Variants in CFHR1 observed in about 807,000 individuals in gnomAD.
CFHR1 encodes complement factor H-related protein 1.
In CFHR1, 22 loss-of-function variants were observed where a neutral mutation model predicts 30.4. The ratio of observed to expected loss-of-function variants is 0.72; its 90% CI spans 0.52 to 1.03. The LOEUF (loss-of-function observed/expected upper bound fraction) is 1.03. Ranked by LOEUF, CFHR1 falls within the 50% of genes least tolerant of loss-of-function variation. CFHR1 has a pLI of 0.00. For synonymous variants in CFHR1, 95 were observed against 129.1 expected (o/e 0.74, Z 1.79); for missense variants, 248 against 380.6 (o/e 0.65, Z 2.90).
chr1:196,821,035 C>G (rs1655101154), intron 1 of CFHR1: 1 of 139,036 alleles, frequency 7.2e-6, no homozygotes, highest in Non-Finnish European at 1.5e-5. Context: ...GATGGGGTTT[C>G]TCCATGTTGG....
intron 5 of CFHR1, among the ~76,000 whole-genome samples, chr1:196,831,163 C>G (rs1349577343): frequency 1.5e-5 from 2 of 135,726 alleles, no homozygotes; most frequent in Non-Finnish European, 3.1e-5. Context: ...TAATTTTTCT[C>G]TTTATATTTA....
At chr1:196,830,245 A>T (rs1480589523) in intron 4 of CFHR1, among the ~76,000 whole-genome samples, 4 of 135,296 alleles carry the variant, frequency 3.0e-5, no homozygotes, top group South Asian at 2.5e-4. Context: ...ATTCGGAAAG[A>T]TATTTCTTAA....
intron 1 of CFHR1, among the ~76,000 whole-genome samples, chr1:196,824,074 T>C (rs1341437964): frequency 1.5e-5 from 2 of 133,770 alleles, no homozygotes; most frequent in Non-Finnish European, 3.1e-5. Flanking sequence ...TCTTGCACCA[T>C]AGTGTGTATG....
intron 1 of CFHR1, 35 bp from the exon 2 acceptor site, chr1:196,825,442 T>C: frequency 7.8e-7 from 1 of 1,289,644 alleles, no homozygotes; most frequent in Non-Finnish European, 1.1e-6. Flanking sequence ...ATGTAACTTA[T>C]TATGTAATTC....
Position 196,826,654 on chromosome 1 carries a change from T to C in CFHR1, c.254-175T>C, listed in dbSNP as rs529379310. Among the ~76,000 whole-genome samples the C allele has an allele frequency of 2.0e-3, 273 of 134,684 alleles. 71 individuals carry two copies. The highest frequency in any genetic ancestry group is 8.4e-3 in the African/African-American group (264 of 31,360). 88.4% of individuals were successfully genotyped at this position (134,684 alleles called of 152,430 possible). On this transcript the variant is annotated intron_variant, in intron 2 of 5. Coordinates refer to ENST00000320493, the MANE Select transcript of CFHR1 (RefSeq NM_002113.3). Reference sequence around the variant, plus strand: ...TACTAGAAACAGGGTTTCACCATGTTGGCCAGGCAGGTCTCGAACTCCTGG... The same window carrying C: ...TACTAGAAACAGGGTTTCACCATGTCGGCCAGGCAGGTCTCGAACTCCTGG...
At position 196,828,086 on chromosome 1, in the gene CFHR1, T is replaced by C. The variant is rs111236855; in HGVS notation, c.447T>C (p.Asn149=). ...KCRSTDTSCV[N]PPTVQNAHIL... ...TCTACTCAGACACTTCCTGTGTGAA[T>C]CCGCCCACAGTACAAAATGCTCATA... Residue 149 remains asparagine (N), a synonymous_variant, in exon 4 of 6, where the codon AAT becomes AAC. Coordinates refer to ENST00000320493, the MANE Select transcript of CFHR1 (RefSeq NM_002113.3). 3.4e-3 allele frequency: 4,970 copies of C among 1,480,082 alleles called. 1,238 individuals are homozygous for C. The African/African-American group carries it at 0.086, about 26-fold the overall frequency. 91.7% of individuals were successfully genotyped at this position (1,480,082 alleles called of 1,614,324 possible).
In CFHR1 at chr1:196,825,395, A is replaced by C. The variant is rs1407987768; in HGVS notation, c.59-82A>C. On this transcript the variant is annotated intron_variant, in intron 1 of 5. Coordinates refer to ENST00000320493, the MANE Select transcript of CFHR1 (RefSeq NM_002113.3). ...AAGCTAAATGAAAGAAAAACACTAT[A>C]AGTGAGATGATTAAAATATAATCTA... 25 of 1,052,104 alleles carry C rather than the reference A, an allele frequency of 2.4e-5. 6 individuals carry two copies. The highest frequency in any genetic ancestry group is 1.0e-4 in the East Asian group (4 of 38,562). The allele number at this position is 1,052,104 out of a possible 1,614,324, so 65.2% of individuals were successfully genotyped here.
In CFHR1 at chr1:196,832,071, A is replaced by G. The variant is rs1655589345; in HGVS notation, c.*72A>G. 1 of 1,355,956 alleles carries G rather than the reference A, an allele frequency of 7.4e-7. No individual in the cohort carries two copies. Among genetic ancestry groups the G allele is most frequent in the African/African-American group, 1.9e-5 (1 of 53,386 alleles). The allele number at this position is 1,355,956 out of a possible 1,614,324, so 84.0% of individuals were successfully genotyped here. A position where few individuals can be genotyped will look rare whatever the true frequency, so the allele number is the denominator to read the frequency against. On this transcript the variant is annotated 3_prime_UTR_variant, in exon 6 of 6. Coordinates refer to ENST00000320493, the MANE Select transcript of CFHR1 (RefSeq NM_002113.3). ...TCAGTTCTTAATTTCATTTTTAAGTATTGTTTTACTCCTTTTTATTCATAC... is the reference window on the plus strand; with the variant it reads ...TCAGTTCTTAATTTCATTTTTAAGTGTTGTTTTACTCCTTTTTATTCATAC...
rs1324950790 is a variant in CFHR1, at chr1:196,829,687, A to G, written c.608-813A>G. ...ATCATTTGAATTGTTGATCCCCTCAAGGAAAAGCATAGTTTTTGTCTAGTT... is the reference window on the plus strand; with the variant it reads ...ATCATTTGAATTGTTGATCCCCTCAGGGAAAAGCATAGTTTTTGTCTAGTT... On this transcript the variant is annotated intron_variant, in intron 4 of 5. Coordinates refer to ENST00000320493, the MANE Select transcript of CFHR1 (RefSeq NM_002113.3). 1.5e-5 allele frequency among the ~76,000 whole-genome samples: 2 copies of G among 135,346 alleles called. 1 individual carries two copies. The highest frequency in any genetic ancestry group is 3.1e-5 in the Non-Finnish European group (2 of 64,260). The allele number at this position is 135,346 out of a possible 152,430, so 88.8% of individuals were successfully genotyped here.
chr1:196,820,704 A>G (rs1255693632), intron 1 of CFHR1, among the ~76,000 whole-genome samples: 1 of 122,518 alleles, frequency 8.2e-6, no homozygotes. Flanking sequence ...GCTGTTTCCT[A>G]ATGTTTCCAG....
intron 5 of CFHR1, among the ~76,000 whole-genome samples, chr1:196,831,369 G>A (rs1208790342): frequency 7.4e-6 from 1 of 134,512 alleles, no homozygotes; most frequent in East Asian, 2.0e-4. Flanking sequence ...CTTAAAATCT[G>A]CTTTCTTGCC....
intron 1 of CFHR1, among the ~76,000 whole-genome samples, chr1:196,822,021 C>T (rs1268797034): frequency 7.6e-6 from 1 of 131,332 alleles, no homozygotes; most frequent in African/African-American, 3.3e-5. Context: ...TAGAAAAGTA[C>T]AATAAAAATA....
At position 196,832,020 on chromosome 1, in the gene CFHR1, C is replaced by A; in HGVS notation, c.*21C>A. 6 of 1,506,272 alleles carry A rather than the reference C, an allele frequency of 4.0e-6. 1 individual carries two copies. Among genetic ancestry groups the A allele is most frequent in the Non-Finnish European group, 5.4e-6 (6 of 1,112,558 alleles). The allele number at this position is 1,506,272 out of a possible 1,614,324, so 93.3% of individuals were successfully genotyped here. ...GATAGAATCAATCATAAAATGCACACCTTTATTCAGAACTTTAGTATTAAA... is the reference window on the plus strand; with the variant it reads ...GATAGAATCAATCATAAAATGCACAACTTTATTCAGAACTTTAGTATTAAA... On this transcript the variant is annotated 3_prime_UTR_variant, in exon 6 of 6. Transcript: ENST00000320493.
rs560225774 is a variant in CFHR1, at chr1:196,823,622, A to G, written c.59-1855A>G. Among the ~76,000 whole-genome samples, 7 of 135,898 alleles carry G rather than the reference A, an allele frequency of 5.2e-5. 1 individual carries two copies. The highest frequency in any genetic ancestry group is 1.1e-4 in the Non-Finnish European group (7 of 64,450). The allele number at this position is 135,898 out of a possible 152,430, so 89.2% of individuals were successfully genotyped here. On this transcript the variant is annotated intron_variant, in intron 1 of 5. Coordinates refer to ENST00000320493, the MANE Select transcript of CFHR1 (RefSeq NM_002113.3). ...AGATGAAAAAGAGAAATTTCTCTTG[A>G]TTTGTCAGCTTAATTTCTGCACACA...
rs192714177 is a variant in CFHR1, at chr1:196,825,916, C to G, written c.253+245C>G. The G allele has an allele frequency of 2.8e-5, 10 of 353,016 alleles. 1 individual carries two copies. The highest frequency in any genetic ancestry group is 4.5e-5 in the Non-Finnish European group (9 of 199,096). The allele number at this position is 353,016 out of a possible 1,614,324, so 21.9% of individuals were successfully genotyped here. The stretch of plus-strand genomic sequence containing the variant: ...AATATATTAATTTTTTTAAACTGAT[C>G]TTTAATATATTTGACTGCTAATATT... On this transcript the variant is annotated intron_variant, in intron 2 of 5. Transcript: ENST00000320493.
chr1:196,822,896 C>A lies in CFHR1; in HGVS notation c.59-2581C>A, dbSNP rs575173156. 7.5e-5 allele frequency among the ~76,000 whole-genome samples: 10 copies of A among 134,176 alleles called. 2 individuals are homozygous for A. Among genetic ancestry groups the A allele is most frequent in the Non-Finnish European group, 9.4e-5 (6 of 64,158 alleles). 88.0% of individuals were successfully genotyped at this position (134,176 alleles called of 152,430 possible). ...GTGTGGCATATTTTTATGTGACTGG[C>A]AATGCTGTAGGTTTGTTTACCCCCG... is the stretch of plus-strand genomic sequence containing the variant. On this transcript the variant is annotated intron_variant, in intron 1 of 5. Coordinates refer to ENST00000320493, the MANE Select transcript of CFHR1 (RefSeq NM_002113.3).
chr1:196,825,632 T>C lies in CFHR1; in HGVS notation c.214T>C (p.Cys72Arg). 8 of 1,524,990 alleles carry C rather than the reference T, an allele frequency of 5.2e-6. 2 individuals are homozygous for C. Among genetic ancestry groups the C allele is most frequent in the Non-Finnish European group, 6.2e-6 (7 of 1,129,012 alleles). The allele number at this position is 1,524,990 out of a possible 1,614,324, so 94.5% of individuals were successfully genotyped here. The stretch of plus-strand genomic sequence containing the variant: ...AAAATCATTTTGGACTCGCATAACA[T>C]GCACAGAAGAAGGATGGTCACCAAC... Reference protein sequence around the residue: ...PSKSFWTRITCTEEGWSPTPK... With the variant: ...PSKSFWTRITRTEEGWSPTPK... Residue 72 changes from cysteine (C) to arginine (R), a missense_variant, in exon 2 of 6, where the codon TGC becomes CGC. Coordinates refer to ENST00000320493, the MANE Select transcript of CFHR1 (RefSeq NM_002113.3).
rs770052368 is a variant in CFHR1, at chr1:196,827,015, A to G, written c.430+10A>G. 10 of 1,519,598 alleles carry G rather than the reference A, an allele frequency of 6.6e-6. 2 individuals carry two copies. The highest frequency in any genetic ancestry group is 1.7e-5 in the Admixed American group (1 of 57,924). The allele number at this position is 1,519,598 out of a possible 1,614,324, so 94.1% of individuals were successfully genotyped here. On this transcript the variant is annotated intron_variant, in intron 3 of 5. Transcript: ENST00000320493. ...AAATGCAGGTCCACTGGTAAGTACA[A>G]TGCTGTTCTCTCATATGCTGTTATC...
rs759337106 is a variant in CFHR1 at position 196,828,138 on chromosome 1, C to T, written c.499C>T (p.Pro167Ser). The T allele has an allele frequency of 1.6e-6, 2 of 1,218,928 alleles. No individual in the cohort carries two copies. Among genetic ancestry groups the T allele is most frequent in the Admixed American group, 2.2e-5 (1 of 45,926 alleles). 75.5% of individuals were successfully genotyped at this position (1,218,928 alleles called of 1,614,324 possible). Reference sequence around the variant, plus strand: ...ACTGTCGAGACAGATGAGTAAATATCCATCTGGTGAGAGAGTACGTTATGA... The same window carrying T: ...ACTGTCGAGACAGATGAGTAAATATTCATCTGGTGAGAGAGTACGTTATGA... ...HILSRQMSKY[P>S]SGERVRYECR... The change falls in exon 4 of 6, where the codon CCA (proline) becomes TCA (serine). Residue 167 changes from proline to serine, a missense_variant. Transcript: ENST00000320493.
Sources: allele counts gnomAD v4.1 joint callset (sites outside exome capture counted in the v4.1 genomes callset), GRCh38; gene constraint gnomAD v4.1.1; transcripts MANE v1.5; gene names NCBI Gene and HGNC (gene_info 2026-07-23, HGNC 2026-07-21).